The following RHD variants were observed in gnomAD, a reference collection of about 807,000 sequenced individuals.
RHD encodes the protein blood group Rh(D) polypeptide.
A neutral mutation model predicts 45.5 loss-of-function variants in RHD; 16 were observed. The observed-to-expected ratio is 0.35, with a 90% CI of 0.24 to 0.53. The LOEUF is 0.53. RHD is among the 20% of genes least tolerant of loss of function. The probability of loss-of-function intolerance (pLI) is 0.92; values close to 1 mark genes in which losing one functional copy is unlikely to be tolerated. For synonymous variants in RHD, 131 were observed against 217.5 expected, an observed-to-expected ratio of 0.60 and a Z score of 3.50; for missense variants, 306 against 532.0, an observed-to-expected ratio of 0.58 and a Z score of 4.18.
intron 1 of RHD, among the ~76,000 whole-genome samples, chr1:25,277,819 C>T (rs1382125039): frequency 8.1e-6 from 1 of 123,840 alleles, no homozygotes; most frequent in Non-Finnish European, 1.9e-5. Flanking sequence ...GGATTACAGG[C>T]ATGCGCCACC....
chr1:25,290,858 C>A, intron 3 of RHD, 67 bp downstream of exon 3: 1 of 1,337,108 alleles, frequency 7.5e-7, no homozygotes, highest in Non-Finnish European at 1.1e-6. Context: ...GGTGGGGTTT[C>A]CAGGGTTTTG....
chr1:25,321,835 G>A lies in RHD; in HGVS notation c.1154-54G>A, dbSNP rs1194280424. ...CACACAATATTTCGATTAATCTTGA[G>A]ATTAAAAATCCTGTGCTCCAAATCT... On this transcript the variant is annotated intron_variant, in intron 8 of 9. Coordinates refer to ENST00000328664, the MANE Select transcript of RHD (RefSeq NM_016124.6). 21 of 900,430 alleles carry A rather than the reference G, an allele frequency of 2.3e-5. 1 individual carries two copies. The highest frequency in any genetic ancestry group is 2.3e-4 in the Admixed American group (12 of 52,526). 55.8% of individuals were successfully genotyped at this position (900,430 alleles called of 1,614,324 possible).
intron 1 of RHD, among the ~76,000 whole-genome samples, chr1:25,278,523 A>G (rs1641210398): frequency 1.5e-5 from 2 of 131,614 alleles, no homozygotes; most frequent in South Asian, 2.3e-4. Context: ...TCATTCATGC[A>G]TCTGCAGTTT....
chr1:25,282,235 T>C lies in RHD; in HGVS notation c.149-2338T>C, dbSNP rs914890471. On this transcript the variant is annotated intron_variant, in intron 1 of 9. Coordinates refer to ENST00000328664, the MANE Select transcript of RHD (RefSeq NM_016124.6). Reference sequence around the variant, plus strand: ...AAACACATAAATTGATATTTCATTTTATTTATTTATTTATTTTGAGACAGA... The same window carrying C: ...AAACACATAAATTGATATTTCATTTCATTTATTTATTTATTTTGAGACAGA... Among the ~76,000 whole-genome samples, 7 of 131,866 alleles carry C rather than the reference T, an allele frequency of 5.3e-5. 2 individuals are homozygous for C. Among genetic ancestry groups the C allele is most frequent in the Admixed American group, 4.4e-4 (6 of 13,550 alleles). 86.5% of individuals were successfully genotyped at this position (131,866 alleles called of 152,430 possible).
Position 25,322,509 on chromosome 1 carries a change from C to T in RHD, c.1227+547C>T, listed in dbSNP as rs1215070774. 1.5e-5 allele frequency among the ~76,000 whole-genome samples: 2 copies of T among 132,256 alleles called. 1 individual carries two copies. Among genetic ancestry groups the T allele is most frequent in the African/African-American group, 5.2e-5 (2 of 38,776 alleles). 86.8% of individuals were successfully genotyped at this position (132,256 alleles called of 152,430 possible). A position where few individuals can be genotyped will look rare whatever the true frequency, so the allele number is the denominator to read the frequency against. On this transcript the variant is annotated intron_variant, in intron 9 of 9. Coordinates refer to ENST00000328664, the MANE Select transcript of RHD (RefSeq NM_016124.6). ...CCAACGTGTCGAAACCCCATCTCTACTAAAAATACAAAAGTTAGCTGGGTG... is the reference window on the plus strand; with the variant it reads ...CCAACGTGTCGAAACCCCATCTCTATTAAAAATACAAAAGTTAGCTGGGTG...
rs1320802076 is a variant in RHD, at chr1:25,330,321, C to CTA, written c.*1401_*1402dup. 4 of 132,788 alleles carry CTA rather than the reference C, an allele frequency of 3.0e-5. No homozygotes were observed. Among genetic ancestry groups the CTA allele is most frequent in the Non-Finnish European group, 5.4e-5 (3 of 56,020 alleles). 8.2% of individuals were successfully genotyped at this position (132,788 alleles called of 1,614,324 possible). On this transcript the variant is annotated 3_prime_UTR_variant, in exon 10 of 10. Transcript: ENST00000328664. The stretch of plus-strand genomic sequence containing the variant: ...AACACCATTTAGTCACTGAACATAG[C>CTA]TATATGTATGGTTGTTACTATGGGA...
intron 3 of RHD, among the ~76,000 whole-genome samples, chr1:25,298,710 A>G (rs1381902999): frequency 7.6e-6 from 1 of 131,604 alleles, no homozygotes; most frequent in African/African-American, 2.6e-5. Context: ...GGTATTTACT[A>G]TATACCAGGG....
intron 8 of RHD, among the ~76,000 whole-genome samples, chr1:25,319,939 C>A (rs1436888318): frequency 7.6e-6 from 1 of 130,832 alleles, no homozygotes; most frequent in Non-Finnish European, 1.8e-5. Context: ...GCTCTTGTTG[C>A]CCAGGCTGGA....
rs868615802 is a variant in RHD, at chr1:25,290,554, A to T, written c.336-87A>T. On this transcript the variant is annotated intron_variant, in intron 2 of 9. Coordinates refer to ENST00000328664, the MANE Select transcript of RHD (RefSeq NM_016124.6). ...TAGGTGCCCAACAGTGTTTGTTGAA[A>T]GAATGAATGAATGAATGAATGAATG... 8.2e-6 allele frequency: 9 copies of T among 1,099,822 alleles called. 1 individual carries two copies. The highest frequency in any genetic ancestry group is 3.8e-5 in the South Asian group (3 of 78,588). The allele number at this position is 1,099,822 out of a possible 1,614,324, so 68.1% of individuals were successfully genotyped here. A position where few individuals can be genotyped will look rare whatever the true frequency, so the allele number is the denominator to read the frequency against.
intron 1 of RHD, among the ~76,000 whole-genome samples, chr1:25,276,433 A>AG (rs1640969971): frequency 8.6e-6 from 1 of 116,352 alleles, no homozygotes; most frequent in Non-Finnish European, 1.9e-5. Context: ...AAAAAAAAAC[A>AG]CCCTGGCTGA....
intron 8 of RHD, chr1:25,318,243 G>T (rs1390013862): frequency 7.8e-6 from 1 of 128,496 alleles, no homozygotes; most frequent in Non-Finnish European, 1.8e-5. Context: ...AACCCGGGAG[G>T]CAGAGGTTGC....
rs188876828 is a variant in RHD, at chr1:25,299,376, G to A, written c.487-1570G>A. On this transcript the variant is annotated intron_variant, in intron 3 of 9. Transcript: ENST00000328664. ...TAGCCTGGCGACAGAGTGAGACTCC[G>A]TCTCAAAAATAAATAAATAAATAAA... Among the ~76,000 whole-genome samples, 49 of 130,356 alleles carry A rather than the reference G, an allele frequency of 3.8e-4. 7 individuals are homozygous for A. The highest frequency in any genetic ancestry group is 4.1e-3 in the Middle Eastern group (1 of 242). 85.5% of individuals were successfully genotyped at this position (130,356 alleles called of 152,430 possible). A position where few individuals can be genotyped will look rare whatever the true frequency, so the allele number is the denominator to read the frequency against.
chr1:25,295,872 T>G (rs1490415012), intron 3 of RHD, among the ~76,000 whole-genome samples: 2 of 105,254 alleles, frequency 1.9e-5, no homozygotes, highest in Admixed American at 8.8e-5. Context: ...TTTTTTTTTT[T>G]TTTTTTTGAG....
In RHD at chr1:25,273,762, G is replaced by C. The variant is rs192162872; in HGVS notation, c.148+1067G>C. Among the ~76,000 whole-genome samples, 22 of 130,826 alleles carry C rather than the reference G, an allele frequency of 1.7e-4. 5 individuals are homozygous for C. In the East Asian group the frequency reaches 4.3e-3, roughly 26 times the overall value. 85.8% of individuals were successfully genotyped at this position (130,826 alleles called of 152,430 possible). A position where few individuals can be genotyped will look rare whatever the true frequency, so the allele number is the denominator to read the frequency against. On this transcript the variant is annotated intron_variant, in intron 1 of 9. Transcript: ENST00000328664. ...GTGGGCTGATAGGTTGTTGATAATA[G>C]ACAGGGCCTCCTTGAAGAATGTCCC...
At chr1:25,291,908 G>T (rs1642540317) in intron 3 of RHD, among the ~76,000 whole-genome samples, 1 of 132,550 alleles carries the variant, frequency 7.5e-6, no homozygotes, top group African/African-American at 2.6e-5. Context: ...GAGAGGGGAA[G>T]GGACTGCCCA....
chr1:25,325,054 GA>G (rs1210700112), intron 9 of RHD, among the ~76,000 whole-genome samples: 1 of 46,720 alleles, frequency 2.1e-5, no homozygotes, highest in African/African-American at 1.1e-4. Flanking sequence ...TCTCAAAAGA[GA>G]AAAAAAAAGT....
Position 25,288,340 on chromosome 1 carries a change from C to CT in RHD, c.336-2288dup, listed in dbSNP as rs1258431849. ...CACAGGCACACACCACCACACCTAG[C>CT]TTTTTTTTTTTTTGCTTTTTGTAGA... On this transcript the variant is annotated intron_variant, in intron 2 of 9. Transcript: ENST00000328664. Among the ~76,000 whole-genome samples the CT allele has an allele frequency of 9.7e-3, 1,099 of 113,482 alleles. 130 individuals carry two copies. The highest frequency in any genetic ancestry group is 0.026 in the African/African-American group (884 of 34,130). 74.4% of individuals were successfully genotyped at this position (113,482 alleles called of 152,430 possible). A position where few individuals can be genotyped will look rare whatever the true frequency, so the allele number is the denominator to read the frequency against.
chr1:25,291,103 C>A (rs1316683794), intron 3 of RHD, among the ~76,000 whole-genome samples: 1 of 130,146 alleles, frequency 7.7e-6, no homozygotes, highest in Non-Finnish European at 1.8e-5. Context: ...CCGAGCTGGG[C>A]AACATAGCAA....
chr1:25,323,594 G>A (rs1644829612), intron 9 of RHD, among the ~76,000 whole-genome samples: 1 of 123,580 alleles, frequency 8.1e-6, no homozygotes, highest in African/African-American at 2.8e-5. Flanking sequence ...TGAGTAGCTA[G>A]GACCACAGGT....
Sources: gnomAD v4.1 joint callset for allele counts (sites outside exome capture counted in the v4.1 genomes callset) on GRCh38, gnomAD v4.1.1 for gene constraint, MANE v1.5 for transcripts, NCBI Gene and HGNC (gene_info 2026-07-23, HGNC 2026-07-21) for gene names.